PHLPP1: variants seen among roughly 807,000 people sequenced by gnomAD.
PHLPP1 encodes the protein PH domain and leucine rich repeat protein phosphatase 1.
Under a neutral mutation model 117.2 loss-of-function variants are expected in PHLPP1, and 42 were observed. That is an observed-to-expected ratio of 0.36 (90% CI 0.28 to 0.46). The LOEUF is 0.46. Ranked by LOEUF, PHLPP1 falls within the 20% of genes least tolerant of loss-of-function variation. PHLPP1 has a pLI of 1.00. For synonymous variants in PHLPP1, 1,042 were observed against 970.7 expected, an observed-to-expected ratio of 1.07 and a Z score of -1.37; for missense variants, 2,084 against 2,241.9, an observed-to-expected ratio of 0.93 and a Z score of 1.42.
At position 62,941,878 on chromosome 18, in the gene PHLPP1, C is replaced by T. The variant is rs775565752; in HGVS notation, c.3121C>T (p.Leu1041Phe). 6.2e-7 allele frequency: 1 copy of T among 1,614,018 alleles called. No homozygotes were observed. The highest frequency in any genetic ancestry group is 8.5e-7 in the Non-Finnish European group (1 of 1,179,860). The change falls in exon 11 of 17, where the codon CTT (leucine) becomes TTT (phenylalanine). Residue 1041 changes from leucine (L) to phenylalanine (F), a missense_variant. By Grantham distance (22) the Leu-to-Phe change is conservative. This residue lies in a region of PHLPP1 where 1,365 missense variants were observed against 1,605.9 expected (regional missense o/e 0.85). Transcript: ENST00000262719. ...AACGGGACACCCCCATTTGAAGATC[C>T]TTCACATGGCCTATAACCGACTTCA... ...LLTGHPHLKI[L>F]HMAYNRLQSF...
intron 1 of PHLPP1, chr18:62,825,350 A>G (rs1914581196): frequency 6.7e-6 from 1 of 149,062 alleles, no homozygotes; most frequent in Admixed American, 6.8e-5. Context: ...TTAAAAACCA[A>G]TGTATGTATA....
At chr18:62,893,996 T>C (rs1261383567) in intron 4 of PHLPP1, among the ~76,000 whole-genome samples, 4 of 151,660 alleles carry the variant, frequency 2.6e-5, no homozygotes, top group African/African-American at 9.7e-5. Flanking sequence ...CACATAGGAG[T>C]CAAAACATTT....
intron 4 of PHLPP1, among the ~76,000 whole-genome samples, chr18:62,872,984 C>T (rs1244324334): frequency 2.0e-5 from 1 of 50,888 alleles, no homozygotes; most frequent in East Asian, 3.8e-4. Flanking sequence ...AAAACTCTGC[C>T]TCAAAAAAAA....
intron 14 of PHLPP1, among the ~76,000 whole-genome samples, chr18:62,971,583 C>G (rs1025313824): frequency 6.6e-6 from 1 of 152,178 alleles, no homozygotes; most frequent in Admixed American, 6.5e-5. Flanking sequence ...CCTCAATGCA[C>G]GGAGACCACA....
At chr18:62,883,274 G>A (rs930008810) in intron 4 of PHLPP1, among the ~76,000 whole-genome samples, 1 of 152,150 alleles carries the variant, frequency 6.6e-6, no homozygotes, top group Admixed American at 6.5e-5. Context: ...TGAACAGAGT[G>A]GGAAACACCA....
intron 1 of PHLPP1, among the ~76,000 whole-genome samples, chr18:62,814,804 A>G (rs1599061361): frequency 6.6e-6 from 1 of 152,356 alleles, no homozygotes; most frequent in Non-Finnish European, 1.5e-5. Flanking sequence ...TAGTAGATTT[A>G]TACAAAGTCC....
At chr18:62,941,123 G>C (rs777523099) in intron 10 of PHLPP1, among the ~76,000 whole-genome samples, 1 of 152,168 alleles carries the variant, frequency 6.6e-6, no homozygotes, top group African/African-American at 2.4e-5. Context: ...TTTTAATAGA[G>C]AGCAAATTAT....
At chr18:62,882,428 C>T (rs867141847) in intron 4 of PHLPP1, among the ~76,000 whole-genome samples, 1 of 152,122 alleles carries the variant, frequency 6.6e-6, no homozygotes, top group Non-Finnish European at 1.5e-5. Context: ...GCCACCGCGC[C>T]TGGATAATTT....
intron 1 of PHLPP1, among the ~76,000 whole-genome samples, chr18:62,807,018 C>A (rs960968328): frequency 4.6e-5 from 7 of 151,882 alleles, no homozygotes; most frequent in African/African-American, 7.3e-5. Context: ...AATAAAGTTG[C>A]CCTTATTGTC....
At chr18:62,788,235 G>A (rs938822469) in intron 1 of PHLPP1, among the ~76,000 whole-genome samples, 3 of 152,120 alleles carry the variant, frequency 2.0e-5, no homozygotes, top group Non-Finnish European at 4.4e-5. Flanking sequence ...TCCGGGAGGT[G>A]GATCCGCTTT....
At chr18:62,815,206 G>T (rs1914236031) in intron 1 of PHLPP1, among the ~76,000 whole-genome samples, 1 of 148,184 alleles carries the variant, frequency 6.7e-6, no homozygotes, top group African/African-American at 2.5e-5. Flanking sequence ...TGCCCAGGCT[G>T]GAGTGCAGTG....
At chr18:62,876,111 A>G (rs1349313668) in intron 4 of PHLPP1, among the ~76,000 whole-genome samples, 3 of 152,196 alleles carry the variant, frequency 2.0e-5, no homozygotes, top group Non-Finnish European at 2.9e-5. Context: ...ATAAAAGACA[A>G]TATGCACAGT....
At chr18:62,944,202 A>C (rs1034903602) in intron 11 of PHLPP1, among the ~76,000 whole-genome samples, 43 of 152,176 alleles carry the variant, frequency 2.8e-4, no homozygotes, top group Non-Finnish European at 2.5e-4. Context: ...TGCTTCTTGG[A>C]GTCTAACATC....
intron 10 of PHLPP1, among the ~76,000 whole-genome samples, chr18:62,937,273 C>T (rs533049174): frequency 2.7e-4 from 41 of 152,218 alleles, no homozygotes; most frequent in Non-Finnish European, 4.9e-4. Context: ...ACTGTTGTTG[C>T]GGGTGACTTT....
chr18:62,968,182 G>A (rs572399049), intron 14 of PHLPP1, among the ~76,000 whole-genome samples: 2 of 152,286 alleles, frequency 1.3e-5, no homozygotes, highest in South Asian at 4.1e-4. Context: ...TGTTGAGGAT[G>A]TCTATATTCC....
chr18:62,752,806 C>T (rs1911900384), intron 1 of PHLPP1, among the ~76,000 whole-genome samples: 1 of 152,188 alleles, frequency 6.6e-6, no homozygotes, highest in African/African-American at 2.4e-5. Flanking sequence ...TGCTCTCTTA[C>T]TGTCTCAGTA....
At chr18:62,723,885 A>T (rs1048942390) in intron 1 of PHLPP1, among the ~76,000 whole-genome samples, 2 of 152,202 alleles carry the variant, frequency 1.3e-5, no homozygotes, top group African/African-American at 4.8e-5. Context: ...GTTGGAGTAG[A>T]GCGAGTCCAA....
At chr18:62,916,164 C>T (rs1332915157) in intron 9 of PHLPP1, among the ~76,000 whole-genome samples, 3 of 151,820 alleles carry the variant, frequency 2.0e-5, no homozygotes, top group Non-Finnish European at 4.4e-5. Flanking sequence ...CAGCCATTAG[C>T]CAAGTGACTG....
intron 1 of PHLPP1, among the ~76,000 whole-genome samples, chr18:62,796,354 A>G (rs1913631551): frequency 6.6e-6 from 1 of 152,222 alleles, no homozygotes; most frequent in Non-Finnish European, 1.5e-5. Flanking sequence ...TAGAGAGAGT[A>G]AGAGGCAGAG....
Sources: gnomAD v4.1 joint callset for allele counts (sites outside exome capture counted in the v4.1 genomes callset) on GRCh38, gnomAD v4.1.1 for gene constraint, gnomAD v4.1.1 regional missense constraint, MANE v1.5 for transcripts, NCBI Gene and HGNC (gene_info 2026-07-23, HGNC 2026-07-21) for gene names.